Variants in THOC2 observed in about 807,000 individuals in gnomAD.
The protein encoded by THOC2 is THO complex 2.
Under a neutral mutation model 128.4 loss-of-function variants are expected in THOC2, and 10 were observed. The observed-to-expected ratio is 0.08, with a 90% confidence interval of 0.05 to 0.13. THOC2 has a LOEUF of 0.13. THOC2 is among the 10% of genes least tolerant of loss of function. The pLI is 1.00. For synonymous variants in THOC2, 393 were observed against 396.9 expected (o/e 0.99, Z 0.12); for missense variants, 535 against 1,155.7 (o/e 0.46, Z 7.79).
At chrX:123,645,243 C>T (rs2048075656) in intron 13 of THOC2, 91 bp downstream of exon 13, 1 of 623,414 alleles carries the variant, frequency 1.6e-6, no homozygotes, top group Non-Finnish European at 2.4e-6. Context: ...ATTACTCATA[C>T]AGATGATTAA....
At chrX:123,693,298 A>G (rs2050305269) in intron 7 of THOC2, among the ~76,000 whole-genome samples, 1 of 111,341 alleles carries the variant, frequency 9.0e-6, no homozygotes. Context: ...AACTCTACTA[A>G]AAACACACAC....
chrX:123,631,993 C>T (rs1272089878), intron 21 of THOC2, 141 bp from the exon 22 acceptor site: 3 of 531,781 alleles, frequency 5.6e-6, no homozygotes, highest in Non-Finnish European at 8.5e-6. Context: ...AACCACATGA[C>T]CATATTACAA....
intron 28 of THOC2, 107 bp downstream of exon 28, chrX:123,623,680 T>C: frequency 8.4e-7 from 1 of 1,191,737 alleles, no homozygotes. Context: ...TCTCCCATAA[T>C]CTCCTGAAGG....
At chrX:123,732,478 C>T (rs1048104367) in intron 1 of THOC2, among the ~76,000 whole-genome samples, 2 of 112,004 alleles carry the variant, frequency 1.8e-5, no homozygotes, top group Non-Finnish European at 3.8e-5. Context: ...GAATCCGGGA[C>T]GGTTCGCCCT....
At chrX:123,729,984 T>C (rs1035941306) in intron 1 of THOC2, among the ~76,000 whole-genome samples, 1 of 112,132 alleles carries the variant, frequency 8.9e-6, no homozygotes, top group African/African-American at 3.2e-5. Flanking sequence ...TGTGTTTAAC[T>C]ATTTAAAATA....
At chrX:123,711,593 G>C (rs2051194998) in intron 2 of THOC2, among the ~76,000 whole-genome samples, 1 of 110,550 alleles carries the variant, frequency 9.0e-6, no homozygotes, top group Non-Finnish European at 1.9e-5. Context: ...AGACCAGCCT[G>C]ACCAACATGG....
In THOC2 at chrX:123,621,335, G is replaced by C; in HGVS notation, c.4038C>G (p.Val1346=). The C allele has an allele frequency of 8.3e-7, 1 of 1,210,571 alleles. No homozygotes were observed. Among genetic ancestry groups the C allele is most frequent in the South Asian group, 1.8e-5 (1 of 56,732 alleles). The change falls in exon 31 of 39, where the codon GTC becomes GTG. Residue 1346 remains valine (V), a synonymous_variant. Transcript: ENST00000245838. ...GAGTTGATTTTGATTCTGCGTTGGG[G>C]ACAGTGGTCTTAAATTTCTCATCTT... ...KAKDEKFKTT[V]PNAESKSTQE...
At chrX:123,702,601 AAT>A (rs1312161070) in intron 4 of THOC2, among the ~76,000 whole-genome samples, 1 of 105,134 alleles carries the variant, frequency 9.5e-6, no homozygotes, top group Non-Finnish European at 1.9e-5. Context: ...CTGTATATAT[AAT>A]ATATATGTGT....
intron 36 of THOC2, among the ~76,000 whole-genome samples, chrX:123,612,788 A>C (rs1425584111): frequency 8.9e-6 from 1 of 112,017 alleles, no homozygotes; most frequent in African/African-American, 3.2e-5. Flanking sequence ...TGAACTATGA[A>C]TAAATGGCAT....
At chrX:123,697,246 T>C (rs2050482218) in intron 5 of THOC2, among the ~76,000 whole-genome samples, 1 of 112,023 alleles carries the variant, frequency 8.9e-6, no homozygotes, top group East Asian at 2.8e-4. Context: ...TTCTCCCTGG[T>C]TCTAAATTTA....
intron 12 of THOC2, among the ~76,000 whole-genome samples, chrX:123,662,984 A>G (rs771126176): frequency 8.9e-6 from 1 of 112,341 alleles, no homozygotes; most frequent in South Asian, 3.7e-4. Context: ...TGGAACAATT[A>G]GAAGTCTCAT....
intron 15 of THOC2, among the ~76,000 whole-genome samples, chrX:123,643,732 G>GAAAAAAAAA: frequency 1.2e-5 from 1 of 83,249 alleles, no homozygotes; most frequent in African/African-American, 4.4e-5. Context: ...AGGCTCACAG[G>GAAAAAAAAA]AAAAAAAAAA....
chrX:123,632,074 C>T (rs1281848656), intron 21 of THOC2, among the ~76,000 whole-genome samples: 1 of 111,173 alleles, frequency 9.0e-6, no homozygotes, highest in East Asian at 2.8e-4. Context: ...TCTTAAATGT[C>T]AAGCTGTTGT....
intron 12 of THOC2, among the ~76,000 whole-genome samples, chrX:123,657,842 C>G (rs2048663790): frequency 9.0e-6 from 1 of 111,680 alleles, no homozygotes; most frequent in Non-Finnish European, 1.9e-5. Context: ...AAAAGAAACA[C>G]TGAAGTAAGA....
chrX:123,677,887 A>G (rs2049572986), intron 8 of THOC2, among the ~76,000 whole-genome samples: 1 of 110,706 alleles, frequency 9.0e-6, no homozygotes, highest in Admixed American at 9.7e-5. Context: ...AAAAAAAAAA[A>G]AAGATTTTTT....
At chrX:123,623,067 A>T in intron 29 of THOC2, 38 bp downstream of exon 29, 1 of 1,132,184 alleles carries the variant, frequency 8.8e-7, no homozygotes, top group Non-Finnish European at 1.2e-6. Context: ...TTGTTGAAAT[A>T]AAATATATTA....
At chrX:123,703,342 C>T in intron 4 of THOC2, 112 bp downstream of exon 4, 1 of 468,552 alleles carries the variant, frequency 2.1e-6, no homozygotes, top group Non-Finnish European at 3.6e-6. Context: ...AATCAATTTG[C>T]TTCTAGACTT....
chrX:123,712,295 T>C (rs1334427843), intron 2 of THOC2, among the ~76,000 whole-genome samples: 1 of 112,047 alleles, frequency 8.9e-6, no homozygotes, highest in Non-Finnish European at 1.9e-5. Flanking sequence ...AAATGTTAAA[T>C]AGTAAAATCC....
intron 12 of THOC2, among the ~76,000 whole-genome samples, chrX:123,653,583 A>C (rs1368409878): frequency 9.0e-6 from 1 of 111,048 alleles, no homozygotes; most frequent in Non-Finnish European, 1.9e-5. Flanking sequence ...GAAAAAAAAA[A>C]CCCATCAAAA....
Sources: allele counts gnomAD v4.1 joint callset (sites outside exome capture counted in the v4.1 genomes callset), GRCh38; gene constraint gnomAD v4.1.1; transcripts MANE v1.5; gene names NCBI Gene and HGNC (gene_info 2026-07-23, HGNC 2026-07-21).